The following DPP10 variants were observed in gnomAD, a reference collection of about 807,000 sequenced individuals.
The protein encoded by DPP10 is dipeptidyl peptidase like 10.
In DPP10, 33 loss-of-function variants were observed where a neutral mutation model predicts 120.9. That is an observed-to-expected ratio of 0.27 (90% CI 0.21 to 0.37). The LOEUF (loss-of-function observed/expected upper bound fraction) is 0.37, where lower values mean the gene tolerates loss of function less well. Among genes scored for constraint, DPP10 ranks in the 10% least tolerant of loss-of-function variants. The pLI is 1.00. For synonymous variants in DPP10, 337 were observed against 326.1 expected (o/e 1.03, Z -0.36); for missense variants, 816 against 942.8 (o/e 0.87, Z 1.76).
At chr2:115,634,145 A>T (rs973274826) in intron 5 of DPP10, among the ~76,000 whole-genome samples, 9 of 152,060 alleles carry the variant, frequency 5.9e-5, no homozygotes, top group African/African-American at 2.2e-4. Flanking sequence ...CCGGTCATTT[A>T]TGTTCCTCTC....
intron 1 of DPP10, among the ~76,000 whole-genome samples, chr2:114,546,943 T>G (rs577329583): frequency 6.6e-6 from 1 of 152,370 alleles, no homozygotes; most frequent in Admixed American, 6.5e-5. Flanking sequence ...ATCCCCAGAC[T>G]TCTCACTAAG....
At chr2:115,621,469 T>G (rs2084936158) in intron 5 of DPP10, among the ~76,000 whole-genome samples, 1 of 152,088 alleles carries the variant, frequency 6.6e-6, no homozygotes, top group Non-Finnish European at 1.5e-5. Context: ...CCCCCTTAAT[T>G]TTATGGATTG....
chr2:114,987,809 T>TTTTTTTTTTTA (rs934618390), intron 1 of DPP10, among the ~76,000 whole-genome samples: 3 of 129,224 alleles, frequency 2.3e-5, no homozygotes, highest in African/African-American at 8.8e-5. Flanking sequence ...ACTGTCTTTT[T>TTTTTTTTTTTA]TTTTTTTATT....
intron 17 of DPP10, among the ~76,000 whole-genome samples, chr2:115,784,369 C>T (rs750302916): frequency 2.6e-5 from 4 of 152,056 alleles, no homozygotes; most frequent in Non-Finnish European, 4.4e-5. Context: ...ATTTAACAAG[C>T]ATGGAAAACC....
intron 1 of DPP10, among the ~76,000 whole-genome samples, chr2:114,844,073 C>G (rs955881244): frequency 2.0e-5 from 3 of 152,118 alleles, no homozygotes; most frequent in African/African-American, 7.2e-5. Context: ...TTATAGTGAG[C>G]ACTGCTTTGA....
At chr2:114,870,608 T>C (rs1450947935) in intron 1 of DPP10, among the ~76,000 whole-genome samples, 2 of 85,172 alleles carry the variant, frequency 2.3e-5, no homozygotes, top group Non-Finnish European at 5.4e-5. Flanking sequence ...AAGGTGAAGA[T>C]GTCACCCTAG....
intron 1 of DPP10, among the ~76,000 whole-genome samples, chr2:115,219,455 C>T (rs1305579066): frequency 4.6e-5 from 7 of 152,062 alleles, no homozygotes; most frequent in Admixed American, 4.6e-4. Context: ...CACACATATA[C>T]AAATACATAT....
At chr2:115,500,357 A>G (rs1286088679) in intron 4 of DPP10, among the ~76,000 whole-genome samples, 3 of 151,972 alleles carry the variant, frequency 2.0e-5, no homozygotes, top group Non-Finnish European at 4.4e-5. Context: ...AGATGAATGT[A>G]TACAATACAG....
intron 4 of DPP10, among the ~76,000 whole-genome samples, chr2:115,514,113 A>G (rs2148849710): frequency 6.6e-6 from 1 of 152,016 alleles, no homozygotes; most frequent in South Asian, 2.1e-4. Context: ...GTGGTTTCTT[A>G]TGAAAAGTCA....
At chr2:114,459,354 G>A (rs1480874340) in intron 1 of DPP10, among the ~76,000 whole-genome samples, 2 of 152,120 alleles carry the variant, frequency 1.3e-5, no homozygotes, top group African/African-American at 4.8e-5. Flanking sequence ...CTTCATCACT[G>A]ATTATATCAG....
intron 1 of DPP10, among the ~76,000 whole-genome samples, chr2:115,257,443 CA>C (rs2059053653): frequency 6.6e-6 from 1 of 152,056 alleles, no homozygotes; most frequent in African/African-American, 2.4e-5. Context: ...TGGCAGAAGG[CA>C]AGGGGGAAGC....
At chr2:115,014,390 C>T (rs959501211) in intron 1 of DPP10, among the ~76,000 whole-genome samples, 1 of 151,908 alleles carries the variant, frequency 6.6e-6, no homozygotes, top group Non-Finnish European at 1.5e-5. Context: ...CAGGAGAAAG[C>T]GGGAAAGATC....
At chr2:115,430,397 A>G (rs865848747) in intron 3 of DPP10, among the ~76,000 whole-genome samples, 4 of 152,212 alleles carry the variant, frequency 2.6e-5, no homozygotes, top group Non-Finnish European at 4.4e-5. Context: ...GCACAGAAAC[A>G]TAAAAACAAG....
intron 1 of DPP10, among the ~76,000 whole-genome samples, chr2:115,135,235 C>G (rs1297474973): frequency 1.4e-5 from 1 of 70,572 alleles, no homozygotes; most frequent in East Asian, 8.9e-4. Context: ...GAAGTGGGGC[C>G]CTTGAGATAT....
At chr2:115,364,208 T>A (rs541579909) in intron 3 of DPP10, among the ~76,000 whole-genome samples, 3 of 152,146 alleles carry the variant, frequency 2.0e-5, no homozygotes, top group Non-Finnish European at 4.4e-5. Flanking sequence ...CTCCTTTCTT[T>A]CTTATCTGTT....
At chr2:115,306,615 G>T (rs1305473363) in intron 1 of DPP10, among the ~76,000 whole-genome samples, 1 of 152,106 alleles carries the variant, frequency 6.6e-6, no homozygotes, top group African/African-American at 2.4e-5. Context: ...AAGGTGGATG[G>T]AAAGGGGAGA....
chr2:115,590,876 G>A (rs2082618356), intron 5 of DPP10, among the ~76,000 whole-genome samples: 1 of 152,176 alleles, frequency 6.6e-6, no homozygotes, highest in South Asian at 2.1e-4. Context: ...GGTGTGAGAT[G>A]GTATCTCATT....
intron 3 of DPP10, among the ~76,000 whole-genome samples, chr2:115,348,324 T>G (rs925613775): frequency 6.6e-6 from 1 of 152,154 alleles, no homozygotes; most frequent in African/African-American, 2.4e-5. Context: ...ATTGACTTGA[T>G]CATGATCTAG....
At chr2:115,827,243 A>G (rs539825601) in intron 21 of DPP10, among the ~76,000 whole-genome samples, 2 of 151,120 alleles carry the variant, frequency 1.3e-5, no homozygotes, top group East Asian at 3.9e-4. Context: ...TCTTCAAGGT[A>G]ATAAGCTGTA....
Sources: allele counts gnomAD v4.1 joint callset (sites outside exome capture counted in the v4.1 genomes callset), GRCh38; gene constraint gnomAD v4.1.1; transcripts MANE v1.5; gene names NCBI Gene and HGNC (gene_info 2026-07-23, HGNC 2026-07-21).